CADM1: variants seen among roughly 807,000 people sequenced by gnomAD.
CADM1 encodes cell adhesion molecule 1.
CADM1 carries 15 observed loss-of-function variants against 53.1 expected under a neutral mutation model. The ratio of observed to expected loss-of-function variants is 0.28; its 90% confidence interval spans 0.19 to 0.44. The LOEUF (loss-of-function observed/expected upper bound fraction) is 0.44. Among genes scored for constraint, CADM1 ranks in the 20% least tolerant of loss-of-function variants. The pLI, the probability that CADM1 is intolerant of heterozygous loss-of-function variation, is 1.00. For synonymous variants in CADM1, 281 were observed against 243.0 expected (o/e 1.16, Z -1.45); for missense variants, 434 against 611.3 (o/e 0.71, Z 3.06).
intron 1 of CADM1, among the ~76,000 whole-genome samples, chr11:115,376,691 T>TAA (rs1438547850): frequency 6.6e-6 from 1 of 152,196 alleles, no homozygotes; most frequent in Non-Finnish European, 1.5e-5. Context: ...TCACGTGGTA[T>TAA]AAAAACCCGT....
chr11:115,293,302 G>A (rs1164598574), intron 1 of CADM1, among the ~76,000 whole-genome samples: 2 of 152,210 alleles, frequency 1.3e-5, no homozygotes, highest in South Asian at 2.1e-4. Flanking sequence ...GCGTGGTGGC[G>A]GGCGCCTGTA....
intron 8 of CADM1, 122 bp downstream of exon 8, chr11:115,209,452 T>A (rs1940845363): frequency 6.9e-7 from 1 of 1,442,030 alleles, no homozygotes; most frequent in Admixed American, 1.8e-5. Flanking sequence ...GTCGTTGGAG[T>A]TCCAAAATAA....
At chr11:115,227,399 T>C (rs1266691456) in intron 5 of CADM1, among the ~76,000 whole-genome samples, 2 of 152,262 alleles carry the variant, frequency 1.3e-5, no homozygotes, top group South Asian at 2.1e-4. Flanking sequence ...GGTGGGACTA[T>C]ATTCTATTTA....
At chr11:115,247,935 G>A (rs1942460042) in intron 1 of CADM1, among the ~76,000 whole-genome samples, 1 of 152,130 alleles carries the variant, frequency 6.6e-6, no homozygotes, top group Non-Finnish European at 1.5e-5. Context: ...ATGTAAATTA[G>A]GAAAAAAGTT....
intron 1 of CADM1, among the ~76,000 whole-genome samples, chr11:115,265,918 G>C (rs1943120666): frequency 6.6e-6 from 1 of 152,170 alleles, no homozygotes; most frequent in Admixed American, 6.5e-5. Flanking sequence ...GTCCCCAGTG[G>C]TCATTCCTGG....
At chr11:115,410,967 G>C (rs971139298) in intron 1 of CADM1, among the ~76,000 whole-genome samples, 1 of 152,016 alleles carries the variant, frequency 6.6e-6, no homozygotes, top group African/African-American at 2.4e-5. Context: ...ATATACCCTG[G>C]TGACAAACCA....
At chr11:115,188,934 C>G (rs1170371948) in intron 10 of CADM1, among the ~76,000 whole-genome samples, 1 of 151,816 alleles carries the variant, frequency 6.6e-6, no homozygotes, top group Non-Finnish European at 1.5e-5. Flanking sequence ...CTCTTTGCTG[C>G]TGAGTGAAGC....
At position 115,504,290 on chromosome 11, in the gene CADM1, G is replaced by A. The variant is rs1459196143; in HGVS notation, c.105C>T (p.Ala35=). The A allele has an allele frequency of 4.5e-6, 7 of 1,568,646 alleles. No individual in the cohort carries two copies. The highest frequency in any genetic ancestry group is 2.4e-5 in the East Asian group (1 of 42,112). The change falls in exon 1 of 12, where the codon GCC becomes GCT. Residue 35 remains alanine (A), a synonymous_variant. Transcript: ENST00000331581. ...RLRLLLLLFS[A]AALIPTGDGQ... ...ACCTACCTGTGGGGATCAGTGCCGC[G>A]GCGGAGAAGAGCAACAGCAGAAGCC...
chr11:115,332,327 T>A (rs915115820), intron 1 of CADM1, among the ~76,000 whole-genome samples: 9 of 151,350 alleles, frequency 5.9e-5, no homozygotes, highest in Non-Finnish European at 1.3e-4. Context: ...ACTAATAGAG[T>A]TTGAAATATT....
intron 1 of CADM1, among the ~76,000 whole-genome samples, chr11:115,495,671 G>A (rs1017242705): frequency 1.8e-4 from 27 of 152,138 alleles, no homozygotes; most frequent in Non-Finnish European, 3.4e-4. Flanking sequence ...GACTGATGGC[G>A]GTAACTTCAT....
chr11:115,188,899 T>C (rs986374708), intron 10 of CADM1, among the ~76,000 whole-genome samples: 3 of 116,098 alleles, frequency 2.6e-5, no homozygotes, highest in African/African-American at 8.0e-5. Context: ...TTTTTATTGG[T>C]TGTTTTTTTT....
At chr11:115,458,133 C>G (rs1421755801) in intron 1 of CADM1, among the ~76,000 whole-genome samples, 1 of 152,022 alleles carries the variant, frequency 6.6e-6, no homozygotes, top group African/African-American at 2.4e-5. Context: ...CTCTCTCTCT[C>G]TCTCTCTCTA....
At chr11:115,406,623 G>A (rs1254326247) in intron 1 of CADM1, among the ~76,000 whole-genome samples, 2 of 148,346 alleles carry the variant, frequency 1.3e-5, no homozygotes, top group Non-Finnish European at 3.0e-5. Context: ...ATAAATATTA[G>A]GTTATATATT....
At chr11:115,231,969 A>G (rs1360627759) in intron 3 of CADM1, among the ~76,000 whole-genome samples, 1 of 151,264 alleles carries the variant, frequency 6.6e-6, no homozygotes, top group Non-Finnish European at 1.5e-5. Context: ...CTGGGCAACA[A>G]GAGCGAAACT....
chr11:115,253,142 A>C (rs976701740), intron 1 of CADM1, among the ~76,000 whole-genome samples: 1 of 152,276 alleles, frequency 6.6e-6, no homozygotes, highest in East Asian at 1.9e-4. Flanking sequence ...AAAGTTTACA[A>C]ATTTGTGTTA....
intron 1 of CADM1, among the ~76,000 whole-genome samples, chr11:115,330,895 TAGC>T (rs1384198965): frequency 6.6e-6 from 1 of 152,132 alleles, no homozygotes; most frequent in Non-Finnish European, 1.5e-5. Flanking sequence ...AGGAGCATGT[TAGC>T]AGCTGTTACA....
At chr11:115,364,928 A>G (rs1946119927) in intron 1 of CADM1, among the ~76,000 whole-genome samples, 1 of 152,250 alleles carries the variant, frequency 6.6e-6, no homozygotes, top group Admixed American at 6.5e-5. Flanking sequence ...TTTGATAAAG[A>G]GAAAACAATA....
intron 3 of CADM1, among the ~76,000 whole-genome samples, chr11:115,232,778 T>C (rs751061678): frequency 6.6e-6 from 1 of 152,198 alleles, no homozygotes; most frequent in African/African-American, 2.4e-5. Flanking sequence ...GTAAGAATAC[T>C]GAATTTAGTA....
At chr11:115,411,585 A>G (rs1947461015) in intron 1 of CADM1, among the ~76,000 whole-genome samples, 1 of 152,208 alleles carries the variant, frequency 6.6e-6, no homozygotes, top group Non-Finnish European at 1.5e-5. Context: ...CTCTGACTGA[A>G]TTTCACCCCT....
Sources: allele counts gnomAD v4.1 joint callset (sites outside exome capture counted in the v4.1 genomes callset), GRCh38; gene constraint gnomAD v4.1.1; transcripts MANE v1.5; gene names NCBI Gene and HGNC (gene_info 2026-07-23, HGNC 2026-07-21).